Variants in TREML2 observed in about 807,000 individuals in gnomAD.
The protein encoded by TREML2 is trem-like transcript 2 protein.
A neutral mutation model predicts 25.9 loss-of-function variants in TREML2; 24 were observed. The observed-to-expected ratio is 0.93, with a 90% CI of 0.67 to 1.30. TREML2 has a LOEUF of 1.30. Ranked by LOEUF, TREML2 falls within the 50% of genes most tolerant of loss-of-function variation. TREML2 has a pLI of 0.00. For missense variants in TREML2, 359 were observed against 395.6 expected, an observed-to-expected ratio of 0.91 and a Z score of 0.78; for synonymous variants, 139 against 155.2, an observed-to-expected ratio of 0.90 and a Z score of 0.77.
chr6:41,193,841 CT>C (rs1242621585), intron 3 of TREML2, among the ~76,000 whole-genome samples: 1 of 134,198 alleles, frequency 7.5e-6, no homozygotes, highest in South Asian at 2.8e-4. Context: ...TGCAGCCCCC[CT>C]CTCCCCTGAT....
At chr6:41,198,845 TTTTTGTTTTG>T (rs140165117) in intron 1 of TREML2, among the ~76,000 whole-genome samples, 3,426 of 150,798 alleles carry the variant, frequency 0.023, 119 homozygotes, top group African/African-American at 0.072. Context: ...AGGGAATTCA[TTTTTGTTTTG>T]TTTTGTTTTG....
intron 3 of TREML2, among the ~76,000 whole-genome samples, chr6:41,193,572 C>T (rs1766104641): frequency 6.6e-6 from 1 of 151,982 alleles, no homozygotes; most frequent in Admixed American, 6.6e-5. Context: ...CCTGCCCTGT[C>T]CCACTCCCCC....
rs1358341216 is a variant in TREML2 at position 41,191,213 on chromosome 6, GT to G, written c.*1213del. 3.1e-5 allele frequency: 5 copies of G among 158,812 alleles called. No homozygotes were observed. The highest frequency in any genetic ancestry group is 1.2e-4 in the African/African-American group (5 of 41,308). The allele number at this position is 158,812 out of a possible 1,614,324, so 9.8% of individuals were successfully genotyped here. On this transcript the variant is annotated 3_prime_UTR_variant, in exon 5 of 5. Transcript: ENST00000483722. ...TGTGTGTGTGTGTGTGTGTGTGTGTGTGTGTGTGTAGGGGAATCCAGGCTGC... is the reference window on the plus strand; with the variant it reads ...TGTGTGTGTGTGTGTGTGTGTGTGTGGTGTGTGTAGGGGAATCCAGGCTGC...
Position 41,201,116 on chromosome 6 carries a change from G to T in TREML2, c.-108C>A. On this transcript the variant is annotated 5_prime_UTR_variant, in exon 1 of 5. Coordinates refer to ENST00000483722, the MANE Select transcript of TREML2 (RefSeq NM_024807.4). ...CAGGGAAGGACCCGGGGTTCTAAAA[G>T]TGAAGCTGCCCATTTAGGGAAGTGA... 7.6e-7 allele frequency: 1 copy of T among 1,309,240 alleles called. No individual in the cohort carries two copies. Among genetic ancestry groups the T allele is most frequent in the Non-Finnish European group, 1.1e-6 (1 of 902,986 alleles). 81.1% of individuals were successfully genotyped at this position (1,309,240 alleles called of 1,614,324 possible).
At chr6:41,199,357 C>T (rs7453883) in intron 1 of TREML2, among the ~76,000 whole-genome samples, 5 of 152,114 alleles carry the variant, frequency 3.3e-5, no homozygotes, top group Non-Finnish European at 5.9e-5. Flanking sequence ...TAAATAATAA[C>T]TCTCCTTAGT....
Position 41,197,335 on chromosome 6 carries a change from T to G in TREML2, c.376+774A>C, listed in dbSNP as rs189042123. On this transcript the variant is annotated intron_variant, in intron 2 of 4. Transcript: ENST00000483722. ...TATACCTAAATTCCAACTTATGGTC[T>G]TCAGGGCTGCTTGACTCTCCAACCT... 1.7e-3 allele frequency among the ~76,000 whole-genome samples: 255 copies of G among 152,328 alleles called. 2 individuals are homozygous for G. The highest frequency in any genetic ancestry group is 0.016 in the Admixed American group (239 of 15,302).
intron 3 of TREML2, among the ~76,000 whole-genome samples, chr6:41,193,422 A>G (rs924568365): frequency 2.0e-5 from 3 of 152,102 alleles, no homozygotes; most frequent in South Asian, 2.1e-4. Context: ...CTGATAACCA[A>G]TTGGAGTTGG....
rs1766123290 is a variant in TREML2, at chr6:41,194,537, G to A, written c.673C>T (p.Pro225Ser). Residue 225 changes from proline (P) to serine (S), a missense_variant, in exon 3 of 5, where the codon CCA becomes TCA. By Grantham distance (74) the Pro-to-Ser change is moderately conservative. Coordinates refer to ENST00000483722, the MANE Select transcript of TREML2 (RefSeq NM_024807.4). The part of the protein sequence containing the change: ...PSNARDSSAG[P>S]ESISTKSGDL... ...CCAGACTTAGTGGAGATGGATTCTG[G>A]GCCAGCAGAGGAGTCCCTGGCATTG... is the stretch of plus-strand genomic sequence containing the variant. The A allele has an allele frequency of 1.2e-6, 2 of 1,613,922 alleles. No homozygotes were observed. The highest frequency in any genetic ancestry group is 1.7e-5 in the Admixed American group (1 of 60,006).
rs1766075852 is a variant in TREML2, at chr6:41,192,150, T to C, written c.*277A>G. The C allele has an allele frequency of 2.2e-6, 1 of 454,976 alleles. No individual in the cohort carries two copies. Among genetic ancestry groups the C allele is most frequent in the Non-Finnish European group, 4.1e-6 (1 of 245,692 alleles). The allele number at this position is 454,976 out of a possible 1,614,324, so 28.2% of individuals were successfully genotyped here. On this transcript the variant is annotated 3_prime_UTR_variant, in exon 5 of 5. Transcript: ENST00000483722. ...TGCCTCCACCAAGAGCCCTGGGGTCTGCAGCTCCGAGCAGAAACCACTGGT... is the reference window on the plus strand; with the variant it reads ...TGCCTCCACCAAGAGCCCTGGGGTCCGCAGCTCCGAGCAGAAACCACTGGT...
chr6:41,194,294 C>T lies in TREML2; in HGVS notation c.785+131G>A, dbSNP rs527295571. Reference sequence around the variant, plus strand: ...CCTTTATGTCACTTCCAGTCCCCCACCTCACATTCAGAAGCAGGCCACATT... The same window carrying T: ...CCTTTATGTCACTTCCAGTCCCCCATCTCACATTCAGAAGCAGGCCACATT... On this transcript the variant is annotated intron_variant, in intron 3 of 4. Coordinates refer to ENST00000483722, the MANE Select transcript of TREML2 (RefSeq NM_024807.4). 78 of 907,044 alleles carry T rather than the reference C, an allele frequency of 8.6e-5. 1 individual carries two copies. The South Asian group carries it at 1.5e-3, about 17-fold the overall frequency. The allele number at this position is 907,044 out of a possible 1,614,324, so 56.2% of individuals were successfully genotyped here.
chr6:41,198,141 G>A lies in TREML2; in HGVS notation c.344C>T (p.Pro115Leu). 10 of 1,605,902 alleles carry A rather than the reference G, an allele frequency of 6.2e-6. No homozygotes were observed. Among genetic ancestry groups the A allele is most frequent in the Non-Finnish European group, 8.5e-6 (10 of 1,173,572 alleles). ...CMRNTSGILY[P>L]LMGFQLDVSP... ...CACATCCAGCTGGAAGCCCATCAAG[G>A]GGTACAGGATCCCAGAGGTGTTGCG... The change falls in exon 2 of 5, where the codon CCC (proline) becomes CTC (leucine). Residue 115 changes from proline to leucine, a missense_variant. Physicochemically the swap from Pro to Leu is moderately conservative, Grantham distance 98. Transcript: ENST00000483722.
rs372386052 is a variant in TREML2, at chr6:41,198,079, C to T, written c.376+30G>A. 7.7e-6 allele frequency: 12 copies of T among 1,549,576 alleles called. No homozygotes were observed. The African/African-American group carries it at 1.2e-4, about 16-fold the overall frequency. Reference sequence around the variant, plus strand: ...TGTGGGGCAGGAGGGACTCCCTCCACCCGTCCCAGAGCCACTGCAGCCTGC... The same window carrying T: ...TGTGGGGCAGGAGGGACTCCCTCCATCCGTCCCAGAGCCACTGCAGCCTGC... On this transcript the variant is annotated intron_variant, in intron 2 of 4. Coordinates refer to ENST00000483722, the MANE Select transcript of TREML2 (RefSeq NM_024807.4).
chr6:41,199,521 A>G (rs1181583711), intron 1 of TREML2, among the ~76,000 whole-genome samples: 2 of 152,218 alleles, frequency 1.3e-5, no homozygotes, highest in African/African-American at 4.8e-5. Context: ...CTTTCTCTCT[A>G]TGCTGAGGAG....
At chr6:41,198,545 C>G in intron 1 of TREML2, 116 bp from the exon 2 acceptor site, 1 of 1,161,266 alleles carries the variant, frequency 8.6e-7, no homozygotes, top group Non-Finnish European at 1.2e-6. Flanking sequence ...TCACAGAACC[C>G]ACAGATTGAG....
chr6:41,194,676 G>C lies in TREML2; in HGVS notation c.534C>G (p.Leu178=). The C allele has an allele frequency of 3.7e-6, 6 of 1,614,110 alleles. No homozygotes were observed. Among genetic ancestry groups the C allele is most frequent in the Non-Finnish European group, 5.1e-6 (6 of 1,179,992 alleles). The change falls in exon 3 of 5, where the codon CTC becomes CTG. Residue 178 remains leucine, a synonymous_variant. Coordinates refer to ENST00000483722, the MANE Select transcript of TREML2 (RefSeq NM_024807.4). ...TGGAGGCAGGTCTGGTGGAGGCTAA[G>C]AGCCTAGGCAAGGTGATGAGTCCTG... ...FTPGLITLPR[L]LASTRPASKT... is the part of the protein sequence containing the mutation.
chr6:41,192,521 G>A lies in TREML2; in HGVS notation c.887-15C>T, dbSNP rs1766084092. On this transcript the variant is annotated splice_polypyrimidine_tract_variant and intron_variant, in intron 4 of 4. Coordinates refer to ENST00000483722, the MANE Select transcript of TREML2 (RefSeq NM_024807.4). Reference sequence around the variant, plus strand: ...CATGCTGTAGCCTGCAAGAAACAGGGAGAGCTGAGGAAGTGTCCTGCCCTG... The same window carrying A: ...CATGCTGTAGCCTGCAAGAAACAGGAAGAGCTGAGGAAGTGTCCTGCCCTG... 6 of 1,612,694 alleles carry A rather than the reference G, an allele frequency of 3.7e-6. No individual in the cohort carries two copies. In the East Asian group the frequency reaches 1.1e-4, roughly 30 times the overall value.
At chr6:41,200,822 C>G in intron 1 of TREML2, 132 bp downstream of exon 1, 1 of 799,038 alleles carries the variant, frequency 1.3e-6, no homozygotes, top group Non-Finnish European at 1.8e-6. Flanking sequence ...TAAGTCAGCC[C>G]TAATCTCCTC....
intron 2 of TREML2, 22 bp from the exon 3 acceptor site, chr6:41,194,855 A>G (rs369223607): frequency 6.5e-7 from 1 of 1,540,200 alleles, no homozygotes; most frequent in South Asian, 1.3e-5. Context: ...AAAGGGAGGA[A>G]CGTTAGATTG....
rs774272788 is a variant in TREML2, at chr6:41,201,087, C to G, written c.-79G>C. On this transcript the variant is annotated 5_prime_UTR_variant, in exon 1 of 5. Coordinates refer to ENST00000483722, the MANE Select transcript of TREML2 (RefSeq NM_024807.4). ...CCGACACAGGATGTGCCACCTGGGC[C>G]TGCCAGGGAAGGACCCGGGGTTCTA... 6.4e-7 allele frequency: 1 copy of G among 1,556,802 alleles called. No individual in the cohort carries two copies. The highest frequency in any genetic ancestry group is 1.7e-5 in the Admixed American group (1 of 59,736).
Sources: gnomAD v4.1 joint callset for allele counts (sites outside exome capture counted in the v4.1 genomes callset) on GRCh38, gnomAD v4.1.1 for gene constraint, MANE v1.5 for transcripts, NCBI Gene and HGNC (gene_info 2026-07-23, HGNC 2026-07-21) for gene names.